Variants in SNRPN observed in about 807,000 individuals in gnomAD.
SNRPN encodes small nuclear ribonucleoprotein polypeptide N, also known as small nuclear ribonucleoprotein-associated protein N.
A neutral mutation model predicts 25.2 loss-of-function variants in SNRPN; 7 were observed. The ratio of observed to expected loss-of-function variants is 0.28; its 90% CI spans 0.16 to 0.52. The LOEUF (loss-of-function observed/expected upper bound fraction) is 0.52, where lower values mean the gene tolerates loss of function less well. SNRPN is among the 20% of genes least tolerant of loss of function. The probability of loss-of-function intolerance (pLI) is 0.96; values close to 1 mark genes in which losing one functional copy is unlikely to be tolerated. For synonymous variants in SNRPN, 124 were observed against 110.6 expected (o/e 1.12, Z -0.76); for missense variants, 196 against 322.5 (o/e 0.61, Z 3.00).
intron 1 of SNRPN, among the ~76,000 whole-genome samples, chr15:24,828,676 T>C (rs2050271942): frequency 6.6e-6 from 1 of 152,138 alleles, no homozygotes; most frequent in South Asian, 2.1e-4. Flanking sequence ...ATCACAACTA[T>C]GAATATCCAT....
intron 2 of SNRPN, among the ~76,000 whole-genome samples, chr15:24,898,450 T>G (rs1368506615): frequency 6.6e-6 from 1 of 151,954 alleles, no homozygotes; most frequent in African/African-American, 2.4e-5. Flanking sequence ...TAGCTGGGCA[T>G]GGTGGCGGGC....
At chr15:24,948,077 A>T (rs985247367) in intron 3 of SNRPN, among the ~76,000 whole-genome samples, 2 of 151,768 alleles carry the variant, frequency 1.3e-5, no homozygotes, top group African/African-American at 4.8e-5. Flanking sequence ...TGTAATCGAA[A>T]ACTCAAAATA....
chr15:24,905,897 G>C (rs2058768600), intron 2 of SNRPN, among the ~76,000 whole-genome samples: 1 of 151,972 alleles, frequency 6.6e-6, no homozygotes, highest in South Asian at 2.1e-4. Context: ...ACTTCCTGAG[G>C]GGCCCACCCA....
At chr15:24,918,363 T>C (rs976004110) in intron 2 of SNRPN, among the ~76,000 whole-genome samples, 3 of 106,820 alleles carry the variant, frequency 2.8e-5, no homozygotes, top group Non-Finnish European at 5.8e-5. Flanking sequence ...ACATTATATA[T>C]ATGTGTATAT....
At chr15:24,916,341 GGAGA>G (rs1566906356) in intron 2 of SNRPN, among the ~76,000 whole-genome samples, 1 of 152,038 alleles carries the variant, frequency 6.6e-6, no homozygotes, top group African/African-American at 2.4e-5. Flanking sequence ...GAAAGTGGGG[GGAGA>G]GAGAGACAAA....
intron 2 of SNRPN, chr15:24,850,477 A>C (rs901636950): frequency 6.6e-6 from 1 of 152,060 alleles, no homozygotes; most frequent in African/African-American, 2.4e-5. Flanking sequence ...CACCCAGCTA[A>C]TTTTTGCATT....
In SNRPN at chr15:24,975,559, G is replaced by T. The variant is rs751154823; in HGVS notation, c.155+50G>T. On this transcript the variant is annotated intron_variant, in intron 5 of 9. Coordinates refer to ENST00000390687, the MANE Select transcript of SNRPN (RefSeq NM_003097.6). ...GGTTGGACACAGAGGCAGTGGGAAG[G>T]GAAGGCCAGAGCTGGAGTAAGGGAT... The T allele has an allele frequency of 2.6e-6, 4 of 1,525,380 alleles. No individual in the cohort carries two copies. The East Asian group carries it at 9.0e-5, about 34-fold the overall frequency. 94.5% of individuals were successfully genotyped at this position (1,525,380 alleles called of 1,614,324 possible).
chr15:24,883,843 C>G (rs1010173076), intron 1 of SNRPN, among the ~76,000 whole-genome samples: 1 of 151,192 alleles, frequency 6.6e-6, no homozygotes, highest in Admixed American at 6.6e-5. Context: ...GAAACCTGAT[C>G]TCTACTGAAA....
intron 3 of SNRPN, among the ~76,000 whole-genome samples, chr15:24,947,606 C>A (rs1358261621): frequency 6.6e-6 from 1 of 152,090 alleles, no homozygotes; most frequent in African/African-American, 2.4e-5. Context: ...CCAGCCTGGG[C>A]AACAGAGTGA....
chr15:24,965,993 G>T (rs761600194), intron 2 of SNRPN, among the ~76,000 whole-genome samples: 21 of 152,120 alleles, frequency 1.4e-4, no homozygotes, highest in Non-Finnish European at 2.8e-4. Flanking sequence ...TCAGTGATTA[G>T]ACTATGAATT....
rs530658956 is a variant in SNRPN at position 24,882,136 on chromosome 15, T to C, written c.-578-4380T>C. Among the ~76,000 whole-genome samples, 25 of 152,296 alleles carry C rather than the reference T, an allele frequency of 1.6e-4. No homozygotes were observed. In the Middle Eastern group the frequency reaches 0.01, roughly 62 times the overall value. Reference sequence around the variant, plus strand: ...TAATTGATTTTGAATTTTTATGTTCTTCTGTGTGCGAATGATTAAATATTA... The same window carrying C: ...TAATTGATTTTGAATTTTTATGTTCCTCTGTGTGCGAATGATTAAATATTA... On this transcript the variant is annotated intron_variant, in intron 1 of 11. Coordinates refer to the SNRPN transcript ENST00000400097.
intron 3 of SNRPN, among the ~76,000 whole-genome samples, chr15:24,941,640 T>C (rs1410902779): frequency 6.6e-6 from 1 of 152,230 alleles, no homozygotes; most frequent in East Asian, 1.9e-4. Flanking sequence ...CCTTACTTCC[T>C]TTGTGAAGCA....
intron 1 of SNRPN, among the ~76,000 whole-genome samples, chr15:24,881,392 A>C (rs1013652130): frequency 2.0e-5 from 3 of 151,204 alleles, no homozygotes; most frequent in Non-Finnish European, 4.4e-5. Context: ...TGAGCTGGGC[A>C]TGGGGGTGGA....
chr15:24,862,160 A>G (rs1449960982), intron 1 of SNRPN, among the ~76,000 whole-genome samples: 1 of 151,190 alleles, frequency 6.6e-6, no homozygotes, highest in Non-Finnish European at 1.5e-5. Context: ...AATTTGAAAT[A>G]AAATAGACTA....
chr15:24,920,268 C>T (rs952154525), intron 3 of SNRPN: 1 of 152,074 alleles, frequency 6.6e-6, no homozygotes, highest in Non-Finnish European at 1.5e-5. Context: ...TTGCTCAAGC[C>T]GTGTTCATTT....
intron 3 of SNRPN, among the ~76,000 whole-genome samples, chr15:24,944,797 A>G (rs1038059988): frequency 2.0e-5 from 3 of 152,204 alleles, no homozygotes; most frequent in Non-Finnish European, 4.4e-5. Flanking sequence ...TCATGTGGTT[A>G]TGGAGGCTGG....
chr15:24,842,424 A>T (rs904627244), intron 2 of SNRPN, among the ~76,000 whole-genome samples: 16 of 152,158 alleles, frequency 1.1e-4, no homozygotes, highest in Admixed American at 4.6e-4. Flanking sequence ...GTCTTCCTTC[A>T]AAAGAAGCCT....
At chr15:24,907,607 A>G (rs2058907400) in intron 2 of SNRPN, among the ~76,000 whole-genome samples, 1 of 151,826 alleles carries the variant, frequency 6.6e-6, no homozygotes. Context: ...CAAAAAAAAG[A>G]AAAAAATCAT....
chr15:24,883,814 C>G (rs2056950692), intron 1 of SNRPN, among the ~76,000 whole-genome samples: 1 of 151,378 alleles, frequency 6.6e-6, no homozygotes, highest in South Asian at 2.1e-4. Context: ...GAATTTGAGA[C>G]TAGCCTGGCC....
Sources: allele counts gnomAD v4.1 joint callset (sites outside exome capture counted in the v4.1 genomes callset), GRCh38; gene constraint gnomAD v4.1.1; transcripts MANE v1.5; gene names NCBI Gene and HGNC (gene_info 2026-07-23, HGNC 2026-07-21).